The following ARHGEF37 variants were observed in gnomAD, a reference collection of about 807,000 sequenced individuals.
ARHGEF37 encodes Rho guanine nucleotide exchange factor (GEF) 37.
A neutral mutation model predicts 71.1 loss-of-function variants in ARHGEF37; 55 were observed. The ratio of observed to expected loss-of-function variants is 0.77; its 90% CI spans 0.62 to 0.97. The LOEUF is 0.97. ARHGEF37 is among the 50% of genes least tolerant of loss of function. The pLI, the probability that ARHGEF37 is intolerant of heterozygous loss-of-function variation, is 0.00. For synonymous variants in ARHGEF37, 327 were observed against 350.6 expected (o/e 0.93, Z 0.75); for missense variants, 765 against 836.8 (o/e 0.91, Z 1.06).
At chr5:149,564,975 C>T (rs988451820) in intron 1 of ARHGEF37, among the ~76,000 whole-genome samples, 12 of 152,222 alleles carry the variant, frequency 7.9e-5, no homozygotes, top group Non-Finnish European at 1.6e-4. Context: ...TTCTAGCCAG[C>T]CTTCTGTGGC....
intron 1 of ARHGEF37, among the ~76,000 whole-genome samples, chr5:149,572,304 T>C (rs1221486496): frequency 1.3e-5 from 2 of 152,224 alleles, no homozygotes; most frequent in African/African-American, 2.4e-5. Context: ...TAACATGGGA[T>C]GTATTGACTT....
intron 1 of ARHGEF37, among the ~76,000 whole-genome samples, chr5:149,564,056 A>C (rs1762869647): frequency 6.7e-6 from 1 of 148,322 alleles, no homozygotes; most frequent in Non-Finnish European, 1.5e-5. Context: ...GGATTCAAGC[A>C]ATTCTTATGC....
intron 10 of ARHGEF37, among the ~76,000 whole-genome samples, chr5:149,625,354 C>T (rs903322271): frequency 5.3e-5 from 8 of 152,168 alleles, no homozygotes; most frequent in African/African-American, 1.7e-4. Flanking sequence ...TGTGGCAAGA[C>T]CTGGATCTGA....
chr5:149,569,423 G>A (rs550538529), intron 1 of ARHGEF37, among the ~76,000 whole-genome samples: 2 of 152,162 alleles, frequency 1.3e-5, no homozygotes, highest in South Asian at 2.1e-4. Context: ...AGGTTCAAGC[G>A]ATTCTCCTGC....
intron 3 of ARHGEF37, among the ~76,000 whole-genome samples, chr5:149,603,220 A>C (rs1303618415): frequency 1.3e-5 from 2 of 152,214 alleles, no homozygotes; most frequent in African/African-American, 4.8e-5. Flanking sequence ...GGTGTGAGCC[A>C]CCGTGCCTGG....
Position 149,597,833 on chromosome 5 carries a change from G to T in ARHGEF37, c.64G>T (p.Ala22Ser). The change falls in exon 2 of 13, where the codon GCC (alanine) becomes TCC (serine). Residue 22 changes from alanine to serine, a missense_variant. Ala to Ser is a moderately conservative substitution (Grantham distance 99). Transcript: ENST00000333677. ...RSGSPDREGR[A>S]SEDRSLLHQR... The stretch of plus-strand genomic sequence containing the variant: ...AGGGAGTCCGGACAGGGAAGGTAGG[G>T]CCTCTGAGGACAGATCGCTGCTTCA... 6.2e-7 allele frequency: 1 copy of T among 1,604,586 alleles called. No homozygotes were observed. The highest frequency in any genetic ancestry group is 1.1e-5 in the South Asian group (1 of 89,244).
At chr5:149,589,342 T>TAA (rs70973530) in intron 1 of ARHGEF37, among the ~76,000 whole-genome samples, 1 of 152,058 alleles carries the variant, frequency 6.6e-6, no homozygotes, top group Admixed American at 6.6e-5. Context: ...ATTAATTAAT[T>TAA]TATAAGACAG....
chr5:149,560,303 C>T lies in ARHGEF37; in HGVS notation c.-12+8180C>T, dbSNP rs1045722459. Among the ~76,000 whole-genome samples, 5 of 152,120 alleles carry T rather than the reference C, an allele frequency of 3.3e-5. No individual in the cohort carries two copies. In the East Asian group the frequency reaches 9.7e-4, roughly 29 times the overall value. On this transcript the variant is annotated intron_variant, in intron 1 of 2. Transcript: ENST00000505810. ...ACTAATTTTGTATTTTTAGTAGAGA[C>T]GAGGTTCTCCATGATGGTCAGGCTG...
rs566296738 is a variant in ARHGEF37 at position 149,601,800 on chromosome 5, A to G, written c.310+569A>G. On this transcript the variant is annotated intron_variant, in intron 3 of 12. Transcript: ENST00000333677. ...GAGAATATCTGAAGGGAGAGTAGAG[A>G]GCATAGTTGTGCAAAGGCCCTGAGG... Among the ~76,000 whole-genome samples the G allele has an allele frequency of 3.3e-5, 5 of 152,306 alleles. No individual in the cohort carries two copies. In the South Asian group the frequency reaches 1.0e-3, roughly 32 times the overall value.
At position 149,633,257 on chromosome 5, in the gene ARHGEF37, GT is replaced by G. The variant is rs1752940087; in HGVS notation, c.*1067del. On this transcript the variant is annotated 3_prime_UTR_variant, in exon 13 of 13. Coordinates refer to ENST00000333677, the MANE Select transcript of ARHGEF37 (RefSeq NM_001001669.3). ...TGCAGAGCTCCCTGTAAACTGTGAA[GT>G]GTGATACAAATGTAAATGACAGCAG... 6.6e-6 allele frequency: 1 copy of G among 152,302 alleles called. No homozygotes were observed. The highest frequency in any genetic ancestry group is 1.5e-5 in the Non-Finnish European group (1 of 68,064). 9.4% of individuals were successfully genotyped at this position (152,302 alleles called of 1,614,324 possible).
chr5:149,620,109 A>G (rs1340437510), intron 7 of ARHGEF37, among the ~76,000 whole-genome samples: 3 of 152,060 alleles, frequency 2.0e-5, no homozygotes, highest in African/African-American at 7.2e-5. Context: ...AAACCCCACA[A>G]AGGTGGCATG....
At chr5:149,588,874 A>G (rs1220082923) in intron 1 of ARHGEF37, among the ~76,000 whole-genome samples, 1 of 152,222 alleles carries the variant, frequency 6.6e-6, no homozygotes, top group Non-Finnish European at 1.5e-5. Context: ...GAACTTTCAA[A>G]TGATAATTTC....
Position 149,621,886 on chromosome 5 carries a change from C to A in ARHGEF37, c.1159C>A (p.Gln387Lys). The change falls in exon 9 of 13, where the codon CAG (glutamine) becomes AAG (lysine). Residue 387 changes from glutamine to lysine, a missense_variant. By Grantham distance (53) the Gln-to-Lys change is moderately conservative. This residue lies in a region of ARHGEF37 where 390 missense variants were observed against 407.4 expected (regional missense o/e 0.96). Transcript: ENST00000333677. ...GCTGGAGGTGGGCAGTGTGACCTAC[C>A]AGGAGGAGGCCGCCCGGCACACATA... ...KLLEVGSVTY[Q>K]EEAARHTYQA... 3.1e-6 allele frequency: 5 copies of A among 1,614,246 alleles called. No individual in the cohort carries two copies. The highest frequency in any genetic ancestry group is 2.5e-6 in the Non-Finnish European group (3 of 1,180,050).
Position 149,609,201 on chromosome 5 carries a change from C to CA in ARHGEF37, c.311-340dup, listed in dbSNP as rs200545331. 3.5e-3 allele frequency among the ~76,000 whole-genome samples: 538 copies of CA among 151,762 alleles called. 4 individuals carry two copies. Among genetic ancestry groups the CA allele is most frequent in the African/African-American group, 0.012 (511 of 41,472 alleles). ...CTCTATCTCAAAAGAAACAAAAAAA[C>CA]AAAAAAACAAGCTAATGGTTGAGTG... is the stretch of plus-strand genomic sequence containing the variant. On this transcript the variant is annotated intron_variant, in intron 3 of 12. Coordinates refer to ENST00000333677, the MANE Select transcript of ARHGEF37 (RefSeq NM_001001669.3).
intron 3 of ARHGEF37, among the ~76,000 whole-genome samples, chr5:149,608,381 T>A (rs1372601378): frequency 2.0e-5 from 3 of 151,952 alleles, no homozygotes. Context: ...ACAAATTTTT[T>A]TTTTTTTGAG....
Position 149,628,933 on chromosome 5 carries a change from A to G in ARHGEF37, c.1785A>G (p.Pro595=), listed in dbSNP as rs1561812267. 5.6e-6 allele frequency: 9 copies of G among 1,612,972 alleles called. 1 individual carries two copies. The South Asian group carries it at 9.9e-5, about 18-fold the overall frequency. The change falls in exon 12 of 13, where the codon CCA becomes CCG. Residue 595 remains proline, a synonymous_variant. Transcript: ENST00000333677. ...GATGTCTAACACCGGAGCCCAGCCC[A>G]GCTCTAGTGCCCTCTATTCCCACCA... The part of the protein sequence containing the change: ...DPRCLTPEPS[P]ALVPSIPTMN...
chr5:149,562,797 A>G (rs1374403819), intron 1 of ARHGEF37, among the ~76,000 whole-genome samples: 1 of 152,174 alleles, frequency 6.6e-6, no homozygotes, highest in Non-Finnish European at 1.5e-5. Context: ...CCACTGTTCT[A>G]TGATGTATGT....
intron 1 of ARHGEF37, among the ~76,000 whole-genome samples, chr5:149,585,042 G>T (rs1763195650): frequency 6.6e-6 from 1 of 152,164 alleles, no homozygotes; most frequent in South Asian, 2.1e-4. Flanking sequence ...ATAACCACTT[G>T]AAAAGATACT....
intron 3 of ARHGEF37, among the ~76,000 whole-genome samples, chr5:149,604,156 T>G (rs1422749041): frequency 6.6e-6 from 1 of 152,194 alleles, no homozygotes; most frequent in Admixed American, 6.5e-5. Context: ...TCTTCATTTC[T>G]CAGTCTGCCT....
Sources: gnomAD v4.1 joint callset for allele counts (sites outside exome capture counted in the v4.1 genomes callset) on GRCh38, gnomAD v4.1.1 for gene constraint, gnomAD v4.1.1 regional missense constraint, MANE v1.5 for transcripts, NCBI Gene and HGNC (gene_info 2026-07-23, HGNC 2026-07-21) for gene names.